The following MMP15 variants were observed in gnomAD, a reference collection of about 807,000 sequenced individuals.
MMP15 encodes the protein matrix metalloproteinase-15.
A neutral mutation model predicts 65.0 loss-of-function variants in MMP15; 36 were observed. The observed-to-expected ratio is 0.55, with a 90% confidence interval of 0.42 to 0.73. MMP15 has a LOEUF of 0.73. Ranked by LOEUF, MMP15 falls within the 30% of genes least tolerant of loss-of-function variation. The pLI is 0.00. For missense variants in MMP15, 870 were observed against 987.8 expected, an observed-to-expected ratio of 0.88 and a Z score of 1.60; for synonymous variants, 428 against 410.2, an observed-to-expected ratio of 1.04 and a Z score of -0.52.
intron 3 of MMP15, 44 bp from the exon 4 acceptor site, chr16:58,039,831 C>T (rs1215920030): frequency 1.9e-6 from 3 of 1,552,476 alleles, no homozygotes; most frequent in Non-Finnish European, 2.6e-6. Flanking sequence ...GGATAGTAGG[C>T]CCTTGGCCCT....
intron 1 of MMP15, among the ~76,000 whole-genome samples, chr16:58,032,208 G>A (rs183410990): frequency 1.2e-3 from 189 of 152,272 alleles, no homozygotes; most frequent in African/African-American, 4.5e-3. Context: ...TTGCGCCATC[G>A]GCGCTCTCAA....
chr16:58,031,387 C>T (rs1963887616), intron 1 of MMP15, among the ~76,000 whole-genome samples: 2 of 152,170 alleles, frequency 1.3e-5, no homozygotes, highest in South Asian at 4.1e-4. Context: ...AAGCCCTCCC[C>T]CGGCCCACCC....
In MMP15 at chr16:58,040,098, G is replaced by A. The variant is rs1356216183; in HGVS notation, c.664G>A (p.Ala222Thr). The A allele has an allele frequency of 1.2e-6, 2 of 1,614,024 alleles. No individual in the cohort carries two copies. The highest frequency in any genetic ancestry group is 1.7e-6 in the Non-Finnish European group (2 of 1,180,050). Residue 222 changes from alanine (A) to threonine (T), a missense_variant, in exon 4 of 10, where the codon GCC becomes ACC. Ala to Thr is a moderately conservative substitution (Grantham distance 58). Coordinates refer to ENST00000219271, the MANE Select transcript of MMP15 (RefSeq NM_002428.4). Reference sequence around the variant, plus strand: ...TGGCACCGGTGGCTTTCTGGCCCACGCCTATTTCCCTGGCCCCGGCCTAGG... The same window carrying A: ...TGGCACCGGTGGCTTTCTGGCCCACACCTATTTCCCTGGCCCCGGCCTAGG... ...FDGTGGFLAH[A>T]YFPGPGLGGD...
At chr16:58,027,003 G>A (rs1174399299) in intron 1 of MMP15, among the ~76,000 whole-genome samples, 5 of 152,266 alleles carry the variant, frequency 3.3e-5, no homozygotes, top group Non-Finnish European at 7.3e-5. Flanking sequence ...CTCCCGTCTG[G>A]GTGATACCGA....
intron 7 of MMP15, 99 bp from the exon 8 acceptor site, chr16:58,043,111 G>A (rs1055755098): frequency 8.8e-7 from 1 of 1,137,394 alleles, no homozygotes; most frequent in Non-Finnish European, 1.2e-6. Context: ...ATGTAGAGGG[G>A]TGTGAGTGTG....
intron 1 of MMP15, among the ~76,000 whole-genome samples, chr16:58,031,055 T>G (rs1335316991): frequency 1.3e-5 from 2 of 152,152 alleles, no homozygotes; most frequent in African/African-American, 2.4e-5. Flanking sequence ...TTTGTAAGCG[T>G]TTTCACATTT....
At position 58,045,172 on chromosome 16, in the gene MMP15, C is replaced by G. The variant is rs2142332834; in HGVS notation, c.1736C>G (p.Pro579Arg). Residue 579 changes from proline to arginine, a missense_variant, in exon 10 of 10, where the codon CCC becomes CGC. Transcript: ENST00000219271. Reference protein sequence around the residue: ...WPDVARPPFNPHGGAEPGADS... With the variant: ...WPDVARPPFNRHGGAEPGADS... ...GACGTGGCCCGGCCGCCCTTCAACC[C>G]CCACGGGGGTGCAGAGCCCGGGGCG... 7 of 1,594,266 alleles carry G rather than the reference C, an allele frequency of 4.4e-6. No homozygotes were observed. Among genetic ancestry groups the G allele is most frequent in the Non-Finnish European group, 6.0e-6 (7 of 1,170,898 alleles).
chr16:58,027,657 G>T (rs1322065869), intron 1 of MMP15, among the ~76,000 whole-genome samples: 1 of 152,152 alleles, frequency 6.6e-6, no homozygotes, highest in Non-Finnish European at 1.5e-5. Flanking sequence ...AGATTTTTCC[G>T]ATGGAAGCTT....
At chr16:58,032,025 C>G (rs924622877) in intron 1 of MMP15, among the ~76,000 whole-genome samples, 9 of 152,006 alleles carry the variant, frequency 5.9e-5, no homozygotes, top group African/African-American at 1.9e-4. Context: ...TGCCACCACA[C>G]CTGGCTAATT....
chr16:58,039,127 A>AACAC (rs1245684795), intron 3 of MMP15, among the ~76,000 whole-genome samples: 3 of 152,280 alleles, frequency 2.0e-5, no homozygotes, highest in African/African-American at 7.2e-5. Flanking sequence ...ACTCTTTTCT[A>AACAC]ACTTAACAGA....
Position 58,045,681 on chromosome 16 carries a change from TCTG to T in MMP15, c.*238_*240del. Reference sequence around the variant, plus strand: ...GTGTTTAGAATTTTCTAAATGTAGTTCTGCTCCAGACAGGGAATTAGGCCCCCA... The same window carrying T: ...GTGTTTAGAATTTTCTAAATGTAGTTCTCCAGACAGGGAATTAGGCCCCCA... On this transcript the variant is annotated 3_prime_UTR_variant, in exon 10 of 10. Coordinates refer to ENST00000219271, the MANE Select transcript of MMP15 (RefSeq NM_002428.4). 3.7e-6 allele frequency: 2 copies of T among 541,260 alleles called. No homozygotes were observed. Among genetic ancestry groups the T allele is most frequent in the Non-Finnish European group, 6.5e-6 (2 of 309,586 alleles). 33.5% of individuals were successfully genotyped at this position (541,260 alleles called of 1,614,324 possible).
chr16:58,035,015 C>T (rs1236509865), intron 1 of MMP15, among the ~76,000 whole-genome samples: 1 of 152,116 alleles, frequency 6.6e-6, no homozygotes, highest in Non-Finnish European at 1.5e-5. Flanking sequence ...ATATTTTTAC[C>T]TTATGCAAAT....
At chr16:58,044,640 C>T (rs529623568) in intron 9 of MMP15, among the ~76,000 whole-genome samples, 3 of 152,326 alleles carry the variant, frequency 2.0e-5, no homozygotes, top group African/African-American at 4.8e-5. Context: ...AGAACAACTG[C>T]GGGGTGCTGT....
intron 1 of MMP15, among the ~76,000 whole-genome samples, chr16:58,027,974 C>T (rs552836673): frequency 6.6e-6 from 1 of 152,348 alleles, no homozygotes; most frequent in South Asian, 2.1e-4. Context: ...TTGGGCCCAC[C>T]TGCCACTCTG....
At chr16:58,041,596 T>G in intron 5 of MMP15, 21 bp from the exon 6 acceptor site, 1 of 1,564,290 alleles carries the variant, frequency 6.4e-7, no homozygotes, top group Non-Finnish European at 8.7e-7. Context: ...ACCTCACTTC[T>G]GAACCCCTGC....
intron 1 of MMP15, among the ~76,000 whole-genome samples, chr16:58,030,226 G>A (rs1963875562): frequency 6.6e-6 from 1 of 152,302 alleles, no homozygotes. Context: ...TACAAAGCGG[G>A]TCCTGGGAGA....
chr16:58,037,748 C>A, intron 2 of MMP15, 128 bp downstream of exon 2: 1 of 1,330,158 alleles, frequency 7.5e-7, no homozygotes, highest in Non-Finnish European at 1.0e-6. Context: ...TGGTTTGGTC[C>A]TCCATGTCAC....
At position 58,026,406 on chromosome 16, in the gene MMP15, G is replaced by T. The variant is rs1321677956; in HGVS notation, c.56G>T (p.Gly19Val). 2 of 1,428,482 alleles carry T rather than the reference G, an allele frequency of 1.4e-6. No homozygotes were observed. The highest frequency in any genetic ancestry group is 5.9e-5 in the Admixed American group (2 of 34,128). The allele number at this position is 1,428,482 out of a possible 1,614,324, so 88.5% of individuals were successfully genotyped here. The change falls in exon 1 of 10, where the codon GGC (glycine) becomes GTC (valine). Residue 19 changes from glycine to valine, a missense_variant. By Grantham distance (109) the Gly-to-Val change is moderately radical. Coordinates refer to ENST00000219271, the MANE Select transcript of MMP15 (RefSeq NM_002428.4). The stretch of plus-strand genomic sequence containing the variant: ...CCGGGCTGGACGGGCAGCCTCCTCG[G>T]CGACCGGGAGGAGGCGGCGCGGCCG... The part of the protein sequence containing the change: ...GRPGWTGSLL[G>V]DREEAARPRL...
rs2304489 is a variant in MMP15, at chr16:58,039,941, C to T, written c.507C>T (p.Arg169=). Residue 169 remains arginine, a synonymous_variant, in exon 4 of 10, where the codon CGC becomes CGT. Transcript: ENST00000219271. The part of the protein sequence containing the change: ...HSMEAVRRAF[R]VWEQATPLVF... Reference sequence around the variant, plus strand: ...TGGAGGCGGTGCGCAGGGCCTTCCGCGTGTGGGAGCAGGCCACGCCCCTGG... The same window carrying T: ...TGGAGGCGGTGCGCAGGGCCTTCCGTGTGTGGGAGCAGGCCACGCCCCTGG... 6,570 of 1,613,316 alleles carry T rather than the reference C, an allele frequency of 4.1e-3. 185 individuals carry two copies. In the East Asian group the frequency reaches 0.075, roughly 18 times the overall value.
Sources: allele counts gnomAD v4.1 joint callset (sites outside exome capture counted in the v4.1 genomes callset), GRCh38; gene constraint gnomAD v4.1.1; transcripts MANE v1.5; gene names NCBI Gene and HGNC (gene_info 2026-07-23, HGNC 2026-07-21).